Variants in ZC3H6 observed in about 807,000 individuals in gnomAD.
ZC3H6 encodes zinc finger CCCH-type containing 6.
A neutral mutation model predicts 107.7 loss-of-function variants in ZC3H6; 40 were observed. The ratio of observed to expected loss-of-function variants is 0.37; its 90% CI spans 0.29 to 0.48. The LOEUF is 0.48. Ranked by LOEUF, ZC3H6 falls within the 20% of genes least tolerant of loss-of-function variation. The pLI is 0.98. For missense variants in ZC3H6, 1,267 were observed against 1,410.4 expected (o/e 0.90, Z 1.63); for synonymous variants, 493 against 487.9 (o/e 1.01, Z -0.14).
At chr2:112,315,574 T>C (rs1218603370) in intron 5 of ZC3H6, among the ~76,000 whole-genome samples, 2 of 152,052 alleles carry the variant, frequency 1.3e-5, no homozygotes, top group Admixed American at 6.6e-5. Flanking sequence ...TCATAAAATA[T>C]TGTAAACTTT....
At chr2:112,308,469 C>T (rs1676532030) in intron 3 of ZC3H6, among the ~76,000 whole-genome samples, 1 of 148,922 alleles carries the variant, frequency 6.7e-6, no homozygotes, top group African/African-American at 2.5e-5. Flanking sequence ...CTGTGTCACC[C>T]AGGCTGGAGT....
At chr2:112,315,823 T>G in intron 5 of ZC3H6, among the ~76,000 whole-genome samples, 1 of 152,254 alleles carries the variant, frequency 6.6e-6, no homozygotes, top group East Asian at 1.9e-4. Context: ...GGTCTCAAAC[T>G]CCTGGCCTCA....
At chr2:112,330,965 T>C (rs1436379596) in intron 11 of ZC3H6, 40 bp from the exon 12 acceptor site, 3 of 1,011,356 alleles carry the variant, frequency 3.0e-6, no homozygotes, top group Admixed American at 4.1e-5. Context: ...ATTATAAGTT[T>C]ATAATATAAA....
At chr2:112,314,198 T>TC (rs1416472928) in intron 5 of ZC3H6, among the ~76,000 whole-genome samples, 3 of 81,286 alleles carry the variant, frequency 3.7e-5, no homozygotes. Flanking sequence ...CATTCTTGTA[T>TC]TTTTTTTTAT....
Position 112,304,158 on chromosome 2 carries a change from G to C in ZC3H6, c.336+807G>C, listed in dbSNP as rs1468454861. On this transcript the variant is annotated intron_variant, in intron 3 of 11. Coordinates refer to ENST00000409871, the MANE Select transcript of ZC3H6 (RefSeq NM_198581.3). The stretch of plus-strand genomic sequence containing the variant: ...TTGTTTTCTTTTGGAAACAGAAAAT[G>C]AGTATGAAGTGGCATCTCATTGTGG... Among the ~76,000 whole-genome samples the C allele has an allele frequency of 2.0e-5, 3 of 152,128 alleles. No individual in the cohort carries two copies. In the South Asian group the frequency reaches 6.2e-4, roughly 31 times the overall value.
chr2:112,317,451 C>A, intron 7 of ZC3H6, 119 bp downstream of exon 7: 1 of 554,062 alleles, frequency 1.8e-6, no homozygotes, highest in Non-Finnish European at 3.1e-6. Flanking sequence ...TTTAAAACAA[C>A]ACATTACATA....
At chr2:112,308,605 A>AT (rs1229863459) in intron 3 of ZC3H6, among the ~76,000 whole-genome samples, 1 of 149,656 alleles carries the variant, frequency 6.7e-6, no homozygotes, top group African/African-American at 2.4e-5. Flanking sequence ...TCATTTTTGT[A>AT]TTTTTTGGTA....
At chr2:112,326,930 A>G (rs901918683) in intron 11 of ZC3H6, among the ~76,000 whole-genome samples, 8 of 152,128 alleles carry the variant, frequency 5.3e-5, no homozygotes, top group Non-Finnish European at 1.2e-4. Context: ...GTTGGTGGAC[A>G]CTTAGGTTGC....
intron 3 of ZC3H6, among the ~76,000 whole-genome samples, chr2:112,304,251 A>T (rs2104708234): frequency 6.6e-6 from 1 of 152,342 alleles, no homozygotes; most frequent in Non-Finnish European, 1.5e-5. Flanking sequence ...ATTTTATCAG[A>T]CATAGGCTGT....
chr2:112,325,887 CAGTT>C lies in ZC3H6; in HGVS notation c.2086+696_2086+699del, dbSNP rs201507671. Among the ~76,000 whole-genome samples, 446 of 152,064 alleles carry C rather than the reference CAGTT, an allele frequency of 2.9e-3. 2 individuals carry two copies. Among genetic ancestry groups the C allele is most frequent in the African/African-American group, 9.8e-3 (408 of 41,530 alleles). On this transcript the variant is annotated intron_variant, in intron 11 of 11. Transcript: ENST00000409871. ...ATTTTTGATACTGGTAAGTATACAACAGTTAGTTAATTCAGTAAAGGATGAGAAA... is the reference window on the plus strand; with the variant it reads ...ATTTTTGATACTGGTAAGTATACAACAGTTAATTCAGTAAAGGATGAGAAA...
At chr2:112,299,413 G>C (rs186314379) in intron 1 of ZC3H6, among the ~76,000 whole-genome samples, 1 of 152,116 alleles carries the variant, frequency 6.6e-6, no homozygotes, top group East Asian at 1.9e-4. Context: ...AACTATAGCT[G>C]TCTATGAGCC....
intron 1 of ZC3H6, among the ~76,000 whole-genome samples, chr2:112,276,421 T>C (rs899267736): frequency 6.6e-6 from 1 of 151,398 alleles, no homozygotes; most frequent in African/African-American, 2.4e-5. Flanking sequence ...AATGGGTGTT[T>C]TGATATTTGA....
At chr2:112,292,852 A>T (rs1676147481) in intron 1 of ZC3H6, among the ~76,000 whole-genome samples, 1 of 152,212 alleles carries the variant, frequency 6.6e-6, no homozygotes. Flanking sequence ...ATCCAGGGAG[A>T]TCAGTGTCCT....
rs899651378 is a variant in ZC3H6, at chr2:112,322,721, A to G, written c.1159A>G (p.Thr387Ala). The G allele has an allele frequency of 5.0e-6, 8 of 1,613,468 alleles. No homozygotes were observed. The Admixed American group carries it at 6.7e-5, about 13-fold the overall frequency. Reference sequence around the variant, plus strand: ...AGAGGAACTTAGAAAGCGTGGCATAACTCCTCTTCCCAAACCACCTCCAGG... The same window carrying G: ...AGAGGAACTTAGAAAGCGTGGCATAGCTCCTCTTCCCAAACCACCTCCAGG... ...ELEELRKRGI[T>A]PLPKPPPGVG... is the part of the protein sequence containing the mutation. Residue 387 changes from threonine (T) to alanine (A), a missense_variant, in exon 9 of 12, where the codon ACT (threonine) becomes GCT (alanine). By Grantham distance (58) the Thr-to-Ala change is moderately conservative (BLOSUM62 0). Around this residue, in one of 3 missense-constraint regions of ZC3H6, gnomAD observed 925 missense variants for 1,025.7 expected, o/e 0.90. Transcript: ENST00000409871.
rs1191991741 is a variant in ZC3H6, at chr2:112,339,572, G to A, written c.*7084G>A. 6.6e-6 allele frequency: 1 copy of A among 152,128 alleles called. No individual in the cohort carries two copies. The highest frequency in any genetic ancestry group is 2.1e-4 in the South Asian group (1 of 4,828). The allele number at this position is 152,128 out of a possible 1,614,324, so 9.4% of individuals were successfully genotyped here. A position where few individuals can be genotyped will look rare whatever the true frequency, so the allele number is the denominator to read the frequency against. ...CAGTCTAGGCAGGGCATCTTTGTAT[G>A]TGTGTTGCTGGTTGGGGCCAGGGAC... On this transcript the variant is annotated 3_prime_UTR_variant, in exon 12 of 12. Coordinates refer to ENST00000409871, the MANE Select transcript of ZC3H6 (RefSeq NM_198581.3).
intron 1 of ZC3H6, among the ~76,000 whole-genome samples, 182 bp downstream of exon 1, chr2:112,276,208 C>A (rs1021298176): frequency 2.0e-5 from 3 of 146,400 alleles, no homozygotes; most frequent in Non-Finnish European, 3.0e-5. Flanking sequence ...TCGGCCCGGC[C>A]GCGCCCGCCT....
chr2:112,298,952 G>A (rs894301204), intron 1 of ZC3H6, among the ~76,000 whole-genome samples: 3 of 152,060 alleles, frequency 2.0e-5, no homozygotes, highest in Non-Finnish European at 4.4e-5. Flanking sequence ...TCTATTGAAA[G>A]AATTATTTTT....
At chr2:112,288,757 T>C (rs1302076058) in intron 1 of ZC3H6, among the ~76,000 whole-genome samples, 1 of 152,222 alleles carries the variant, frequency 6.6e-6, no homozygotes, top group Non-Finnish European at 1.5e-5. Flanking sequence ...ATTTCCAGGT[T>C]CAGGTGACCT....
intron 3 of ZC3H6, among the ~76,000 whole-genome samples, chr2:112,308,404 T>TTTATTTA (rs1553493700): frequency 2.9e-4 from 40 of 138,274 alleles, no homozygotes; most frequent in African/African-American, 1.1e-3. Context: ...TTTTATTTTA[T>TTTATTTA]TTTATTTATT....
Sources: allele counts gnomAD v4.1 joint callset (sites outside exome capture counted in the v4.1 genomes callset), GRCh38; gene constraint gnomAD v4.1.1; regional missense constraint gnomAD v4.1.1; transcripts MANE v1.5; gene names NCBI Gene and HGNC (gene_info 2026-07-23, HGNC 2026-07-21).